ANTXR1: variants seen among roughly 807,000 people sequenced by gnomAD.
ANTXR1 encodes ANTXR cell adhesion molecule 1.
In ANTXR1, 19 loss-of-function variants were observed where a neutral mutation model predicts 78.1. That is an observed-to-expected ratio of 0.24 (90% CI 0.17 to 0.36). ANTXR1 has a LOEUF of 0.36. Among genes scored for constraint, ANTXR1 ranks in the 10% least tolerant of loss-of-function variants. The pLI is 1.00. For missense variants in ANTXR1, 518 were observed against 718.6 expected (o/e 0.72, Z 3.19); for synonymous variants, 273 against 260.5 (o/e 1.05, Z -0.46).
At chr2:69,036,847 AC>A (rs2104055247) in intron 1 of ANTXR1, among the ~76,000 whole-genome samples, 1 of 152,120 alleles carries the variant, frequency 6.6e-6, no homozygotes, top group South Asian at 2.1e-4. Flanking sequence ...ACCACCCAGG[AC>A]CCCCAGGGCC....
chr2:69,100,262 T>C (rs763233854), intron 9 of ANTXR1, among the ~76,000 whole-genome samples: 4 of 152,230 alleles, frequency 2.6e-5, no homozygotes, highest in Non-Finnish European at 5.9e-5. Flanking sequence ...TGTGAAGAGC[T>C]GACATTCTAG....
intron 1 of ANTXR1, among the ~76,000 whole-genome samples, chr2:69,018,245 G>A (rs1051908246): frequency 5.9e-5 from 9 of 151,970 alleles, no homozygotes; most frequent in Admixed American, 4.6e-4. Context: ...TAAGACCTCC[G>A]ACTCCCCCTG....
chr2:69,114,646 C>T (rs1672085035), intron 10 of ANTXR1, among the ~76,000 whole-genome samples: 1 of 152,176 alleles, frequency 6.6e-6, no homozygotes, highest in Non-Finnish European at 1.5e-5. Flanking sequence ...TACAGCACCC[C>T]CATCCATGTC....
chr2:69,221,549 A>G (rs76122518), intron 17 of ANTXR1, among the ~76,000 whole-genome samples: 7,434 of 152,118 alleles, frequency 0.049, 631 homozygotes, highest in African/African-American at 0.17. Context: ...CAGAATAACA[A>G]AGCAGAAGGT....
intron 3 of ANTXR1, among the ~76,000 whole-genome samples, chr2:69,047,637 G>A (rs1444591258): frequency 6.6e-6 from 1 of 151,960 alleles, no homozygotes; most frequent in Non-Finnish European, 1.5e-5. Context: ...AGCTACTTGA[G>A]TTGGGGGGGG....
At chr2:69,090,738 C>T (rs1230336365) in intron 8 of ANTXR1, 121 bp from the exon 9 acceptor site, 4 of 893,456 alleles carry the variant, frequency 4.5e-6, no homozygotes, top group Admixed American at 3.8e-5. Context: ...CTCGCACCCC[C>T]ACCGCAACCA....
rs545644560 is a variant in ANTXR1 at position 69,075,271 on chromosome 2, A to G, written c.493-319A>G. On this transcript the variant is annotated intron_variant, in intron 6 of 17. Coordinates refer to ENST00000303714, the MANE Select transcript of ANTXR1 (RefSeq NM_032208.3). Reference sequence around the variant, plus strand: ...AAGAAACGTATGTCAGTAAAAATCCATCAAAGGAATGGAAAAGGTAATCAT... The same window carrying G: ...AAGAAACGTATGTCAGTAAAAATCCGTCAAAGGAATGGAAAAGGTAATCAT... 2.0e-5 allele frequency among the ~76,000 whole-genome samples: 3 copies of G among 152,332 alleles called. No homozygotes were observed. The East Asian group carries it at 5.8e-4, about 29-fold the overall frequency.
At chr2:69,015,180 T>C (rs1215481189) in intron 1 of ANTXR1, among the ~76,000 whole-genome samples, 1 of 151,142 alleles carries the variant, frequency 6.6e-6, no homozygotes, top group Non-Finnish European at 1.5e-5. Flanking sequence ...CCCAAATTAA[T>C]TTAGAAATTG....
At chr2:69,235,263 T>G (rs919320024) in intron 17 of ANTXR1, among the ~76,000 whole-genome samples, 6 of 152,018 alleles carry the variant, frequency 3.9e-5, no homozygotes, top group Non-Finnish European at 8.8e-5. Flanking sequence ...CTTCAGGTAA[T>G]CTGCCCATCT....
intron 1 of ANTXR1, among the ~76,000 whole-genome samples, chr2:69,032,613 G>T (rs1671561301): frequency 6.6e-6 from 1 of 152,112 alleles, no homozygotes; most frequent in African/African-American, 2.4e-5. Flanking sequence ...CCGCAGCTGT[G>T]CATTTCAATT....
intron 17 of ANTXR1, among the ~76,000 whole-genome samples, chr2:69,200,164 G>T (rs953552781): frequency 6.6e-6 from 1 of 152,122 alleles, no homozygotes. Flanking sequence ...TTCAGATCTG[G>T]CATCAGGAGG....
intron 10 of ANTXR1, chr2:69,103,141 A>G (rs1671681534): frequency 1.6e-6 from 1 of 643,680 alleles, no homozygotes; most frequent in South Asian, 1.7e-5. Context: ...GCACAGCCCC[A>G]TGGGTGTCCA....
In ANTXR1 at chr2:69,130,620, A is replaced by G. The variant is rs1211109895; in HGVS notation, c.951+5977A>G. 5.3e-5 allele frequency among the ~76,000 whole-genome samples: 8 copies of G among 152,342 alleles called. No individual in the cohort carries two copies. The East Asian group carries it at 1.5e-3, about 29-fold the overall frequency. ...TTCAGAACCTGTCTCGCATTTTTAT[A>G]GTAAAGATTAAGTATATAAGGGGCT... On this transcript the variant is annotated intron_variant, in intron 12 of 17. Coordinates refer to ENST00000303714, the MANE Select transcript of ANTXR1 (RefSeq NM_032208.3).
intron 10 of ANTXR1, among the ~76,000 whole-genome samples, chr2:69,113,171 C>G (rs1672042807): frequency 2.0e-5 from 3 of 152,316 alleles, no homozygotes; most frequent in Non-Finnish European, 1.5e-5. Flanking sequence ...TTGTGAACTT[C>G]TCTGAAACCC....
chr2:69,212,515 C>T (rs943667912), intron 17 of ANTXR1, among the ~76,000 whole-genome samples: 7 of 152,124 alleles, frequency 4.6e-5, no homozygotes, highest in African/African-American at 9.7e-5. Context: ...TAAGAGCAGG[C>T]GCAGACTGTG....
rs1674594173 is a variant in ANTXR1, at chr2:69,193,476, C to CAG, written c.1434+62_1434+63insGA. 2.3e-6 allele frequency: 3 copies of CAG among 1,289,422 alleles called. No individual in the cohort carries two copies. The East Asian group carries it at 7.0e-5, about 30-fold the overall frequency. The allele number at this position is 1,289,422 out of a possible 1,614,324, so 79.9% of individuals were successfully genotyped here. Reference sequence around the variant, plus strand: ...TCTCTCTCTCACATACACACACACACACACACACACACACATATTCTTTTT... The same window carrying CAG: ...TCTCTCTCTCACATACACACACACACAGACACACACACACACATATTCTTTTT... On this transcript the variant is annotated intron_variant, in intron 17 of 17. Transcript: ENST00000303714.
intron 1 of ANTXR1, among the ~76,000 whole-genome samples, chr2:69,037,188 C>T (rs1398124996): frequency 6.6e-6 from 1 of 152,188 alleles, no homozygotes; most frequent in African/African-American, 2.4e-5. Context: ...GCTGTTTATC[C>T]AAGCCAAGGC....
intron 12 of ANTXR1, among the ~76,000 whole-genome samples, chr2:69,150,246 C>T (rs1673353299): frequency 6.6e-6 from 1 of 152,192 alleles, no homozygotes; most frequent in African/African-American, 2.4e-5. Flanking sequence ...CTGAACAGAC[C>T]ACCCAGCCTC....
chr2:69,231,842 A>C (rs1020495559), intron 17 of ANTXR1, among the ~76,000 whole-genome samples: 2 of 152,182 alleles, frequency 1.3e-5, no homozygotes, highest in African/African-American at 4.8e-5. Context: ...AGGCAGGCTC[A>C]AAGCTAGCAC....
Sources: allele counts gnomAD v4.1 joint callset (sites outside exome capture counted in the v4.1 genomes callset), GRCh38; gene constraint gnomAD v4.1.1; transcripts MANE v1.5; gene names NCBI Gene and HGNC (gene_info 2026-07-23, HGNC 2026-07-21).